Variants in XPO4 observed in about 807,000 individuals in gnomAD.
XPO4 encodes exportin-4.
In XPO4, 39 loss-of-function variants were observed where a neutral mutation model predicts 143.0. The ratio of observed to expected loss-of-function variants is 0.27; its 90% confidence interval spans 0.21 to 0.36. The LOEUF is 0.36. XPO4 is among the 10% of genes least tolerant of loss of function. XPO4 has a pLI of 1.00. For synonymous variants in XPO4, 439 were observed against 474.0 expected (o/e 0.93, Z 0.96); for missense variants, 907 against 1,348.0 (o/e 0.67, Z 5.12).
At chr13:20,863,025 C>T (rs1318882154) in intron 2 of XPO4, 167 bp from the exon 3 acceptor site, 1 of 1,367,714 alleles carries the variant, frequency 7.3e-7, no homozygotes, top group African/African-American at 1.5e-5. Context: ...GTTAGTTCCT[C>T]TCAGAAGACA....
At chr13:20,847,765 CTAAT>C (rs1432628776) in intron 4 of XPO4, among the ~76,000 whole-genome samples, 3 of 151,938 alleles carry the variant, frequency 2.0e-5, no homozygotes, top group Non-Finnish European at 4.4e-5. Flanking sequence ...GACTAACTAA[CTAAT>C]TGATAAAAGA....
rs1483027052 is a variant in XPO4, at chr13:20,809,902, C to A, written c.1239G>T (p.Leu413Phe). The A allele has an allele frequency of 6.2e-7, 1 of 1,613,702 alleles. No individual in the cohort carries two copies. Among genetic ancestry groups the A allele is most frequent in the South Asian group, 1.1e-5 (1 of 91,020 alleles). The stretch of plus-strand genomic sequence containing the variant: ...TATGGAAATGTTTGTCATCTTGAAC[C>A]AAAGTTAACCAGGACTCCAACAATT... ...YDKLLESWLTLVQDDKHFHKG... is the reference protein window; with the variant it reads ...YDKLLESWLTFVQDDKHFHKG... The change falls in exon 10 of 23, where the codon TTG becomes TTT. Residue 413 changes from leucine to phenylalanine, a missense_variant. Transcript: ENST00000255305.
At position 20,799,170 on chromosome 13, in the gene XPO4, T is replaced by G. The variant is rs2137838720; in HGVS notation, c.2317A>C (p.Thr773Pro). ...MDTETKQQYWTEVLQPLQQRF... is the reference protein window; with the variant it reads ...MDTETKQQYWPEVLQPLQQRF... ...AAAATAGACAGCACTGTTACCTCTGTCCAATACTGCTGTTTGGTTTCTGTG... is the reference window on the plus strand; with the variant it reads ...AAAATAGACAGCACTGTTACCTCTGGCCAATACTGCTGTTTGGTTTCTGTG... Residue 773 changes from threonine to proline, a missense_variant, in exon 16 of 23, where the codon ACA becomes CCA. Thr to Pro is a conservative substitution (Grantham distance 38, BLOSUM62 -1). Coordinates refer to ENST00000255305, the MANE Select transcript of XPO4 (RefSeq NM_022459.5). 1.2e-6 allele frequency: 2 copies of G among 1,605,092 alleles called. No individual in the cohort carries two copies. Among genetic ancestry groups the G allele is most frequent in the East Asian group, 4.5e-5 (2 of 44,732 alleles).
intron 4 of XPO4, among the ~76,000 whole-genome samples, chr13:20,846,197 T>C (rs866506728): frequency 1.3e-5 from 2 of 152,224 alleles, no homozygotes; most frequent in African/African-American, 4.8e-5. Flanking sequence ...CAAAATGGCT[T>C]ATTTTAAAAC....
At chr13:20,848,286 C>T in intron 4 of XPO4, 1 of 985,148 alleles carries the variant, frequency 1.0e-6, no homozygotes, top group Non-Finnish European at 1.2e-6. Context: ...GAGTCCAATA[C>T]AAGAATCCTG....
At chr13:20,857,885 A>G (rs1358430222) in intron 3 of XPO4, 1 of 985,288 alleles carries the variant, frequency 1.0e-6, no homozygotes, top group African/African-American at 1.7e-5. Context: ...TTCACTGTAT[A>G]CAAATTTTAT....
At chr13:20,857,750 C>A (rs1257207924) in intron 3 of XPO4, 1 of 811,772 alleles carries the variant, frequency 1.2e-6, no homozygotes, top group African/African-American at 1.9e-5. Context: ...AAAATCAAAT[C>A]AGAAAATTAA....
At chr13:20,787,646 A>T in intron 20 of XPO4, 48 bp from the exon 21 acceptor site, 1 of 1,514,268 alleles carries the variant, frequency 6.6e-7, no homozygotes, top group Non-Finnish European at 9.1e-7. Flanking sequence ...TATTCGATTT[A>T]TAAAAGATAA....
intron 1 of XPO4, among the ~76,000 whole-genome samples, chr13:20,901,253 C>T (rs1049199377): frequency 1.3e-5 from 2 of 152,180 alleles, no homozygotes; most frequent in African/African-American, 4.8e-5. Context: ...GGGATAAAAG[C>T]AGCTTTGCCA....
At chr13:20,852,336 G>A (rs1003095663) in intron 4 of XPO4, 6 of 985,272 alleles carry the variant, frequency 6.1e-6, no homozygotes, top group South Asian at 4.7e-5. Flanking sequence ...GGCATTGGGG[G>A]CAAGGATAAT....
chr13:20,797,751 T>G (rs55807748), intron 16 of XPO4, among the ~76,000 whole-genome samples: 11 of 152,280 alleles, frequency 7.2e-5, no homozygotes, highest in Non-Finnish European at 1.5e-4. Flanking sequence ...TGGCCCTTGA[T>G]TTAAAGCCTA....
chr13:20,818,732 A>T (rs2059682517), intron 9 of XPO4, among the ~76,000 whole-genome samples: 1 of 152,234 alleles, frequency 6.6e-6, no homozygotes, highest in Non-Finnish European at 1.5e-5. Context: ...AATAAAAGCT[A>T]TTATTTTAAA....
chr13:20,867,807 G>A (rs2060257819), intron 2 of XPO4, among the ~76,000 whole-genome samples: 1 of 152,266 alleles, frequency 6.6e-6, no homozygotes, highest in Middle Eastern at 3.4e-3. Flanking sequence ...TATGGTCACA[G>A]ATGACTCAAG....
At chr13:20,848,749 A>G in intron 4 of XPO4, 1 of 985,404 alleles carries the variant, frequency 1.0e-6, no homozygotes, top group Non-Finnish European at 1.2e-6. Flanking sequence ...GCACTATGTT[A>G]ACATAACAGA....
intron 2 of XPO4, among the ~76,000 whole-genome samples, chr13:20,867,117 C>A (rs1193503177): frequency 6.6e-6 from 1 of 152,202 alleles, no homozygotes; most frequent in African/African-American, 2.4e-5. Flanking sequence ...CTTCCTTTAA[C>A]ATTGAGTTAA....
intron 1 of XPO4, among the ~76,000 whole-genome samples, chr13:20,895,471 C>T (rs532611701): frequency 6.6e-6 from 1 of 151,740 alleles, no homozygotes; most frequent in African/African-American, 2.4e-5. Context: ...GTCCCTACTA[C>T]AAACACAAAA....
At chr13:20,806,045 A>G (rs1310082148) in intron 13 of XPO4, among the ~76,000 whole-genome samples, 2 of 152,288 alleles carry the variant, frequency 1.3e-5, no homozygotes, top group East Asian at 3.9e-4. Context: ...AGCATTCCTG[A>G]TGCTACTGCC....
At position 20,809,885 on chromosome 13, in the gene XPO4, T is replaced by G; in HGVS notation, c.1256A>C (p.His419Pro). Reference sequence around the variant, plus strand: ...TTGGGTAAAAAAGCCTTTATGGAAATGTTTGTCATCTTGAACCAAAGTTAA... The same window carrying G: ...TTGGGTAAAAAAGCCTTTATGGAAAGGTTTGTCATCTTGAACCAAAGTTAA... Reference protein sequence around the residue: ...SWLTLVQDDKHFHKGFFTQHA... With the variant: ...SWLTLVQDDKPFHKGFFTQHA... The change falls in exon 10 of 23, where the codon CAT becomes CCT. Residue 419 changes from histidine to proline, a missense_variant. Coordinates refer to ENST00000255305, the MANE Select transcript of XPO4 (RefSeq NM_022459.5). 6.2e-7 allele frequency: 1 copy of G among 1,613,968 alleles called. No individual in the cohort carries two copies. The highest frequency in any genetic ancestry group is 8.5e-7 in the Non-Finnish European group (1 of 1,179,908).
At chr13:20,871,373 G>T (rs898564465) in intron 1 of XPO4, among the ~76,000 whole-genome samples, 1 of 152,116 alleles carries the variant, frequency 6.6e-6, no homozygotes, top group African/African-American at 2.4e-5. Flanking sequence ...AGGCTGGAGT[G>T]CAGTGGCATG....
Sources: gnomAD v4.1 joint callset for allele counts (sites outside exome capture counted in the v4.1 genomes callset) on GRCh38, gnomAD v4.1.1 for gene constraint, MANE v1.5 for transcripts, NCBI Gene and HGNC (gene_info 2026-07-23, HGNC 2026-07-21) for gene names.